The following MAPRE1 variants were observed in gnomAD, a reference collection of about 807,000 sequenced individuals.
MAPRE1 encodes microtubule-associated protein RP/EB family member 1.
In MAPRE1, 5 loss-of-function variants were observed where a neutral mutation model predicts 32.1. That is an observed-to-expected ratio of 0.16 (90% confidence interval 0.08 to 0.33). The LOEUF is 0.33. MAPRE1 is among the 10% of genes least tolerant of loss of function. The pLI is 1.00. For missense variants in MAPRE1, 209 were observed against 327.2 expected, an observed-to-expected ratio of 0.64 and a Z score of 2.79; for synonymous variants, 122 against 118.9, an observed-to-expected ratio of 1.03 and a Z score of -0.17.
At chr20:32,821,434 C>T (rs1249861145) in intron 1 of MAPRE1, among the ~76,000 whole-genome samples, 1 of 152,228 alleles carries the variant, frequency 6.6e-6, no homozygotes, top group African/African-American at 2.4e-5. Context: ...GGCTCTTAAC[C>T]TCTTTATTAC....
At chr20:32,837,939 TG>T in intron 4 of MAPRE1, among the ~76,000 whole-genome samples, 1 of 152,170 alleles carries the variant, frequency 6.6e-6, no homozygotes, top group African/African-American at 2.4e-5. Context: ...AAAAATTATC[TG>T]GGCATGGTGG....
At chr20:32,845,299 C>G (rs927577358) in intron 5 of MAPRE1, among the ~76,000 whole-genome samples, 3 of 152,164 alleles carry the variant, frequency 2.0e-5, no homozygotes, top group African/African-American at 7.2e-5. Flanking sequence ...CCTTGACCTC[C>G]CAAAGCTTTG....
rs776595816 is a variant in MAPRE1, at chr20:32,846,575, A to G, written c.598-43A>G. 9.4e-6 allele frequency: 15 copies of G among 1,598,600 alleles called. No homozygotes were observed. In the Admixed American group the frequency reaches 1.0e-4, roughly 11 times the overall value. Reference sequence around the variant, plus strand: ...GAAGTCTGCCTGATATTTTATTGCCATACTAATGCCAAGCATCTCACCCTT... The same window carrying G: ...GAAGTCTGCCTGATATTTTATTGCCGTACTAATGCCAAGCATCTCACCCTT... On this transcript the variant is annotated intron_variant, in intron 5 of 6. Transcript: ENST00000375571.
Position 32,838,205 on chromosome 20 carries a change from C to T in MAPRE1, c.475+1364C>T, listed in dbSNP as rs74474569. On this transcript the variant is annotated intron_variant, in intron 4 of 6. Transcript: ENST00000375571. ...TATCTGCTTTCTGTCTCTGGATTTGCCAGTTCTAAACTTTTCCTATACATG... is the reference window on the plus strand; with the variant it reads ...TATCTGCTTTCTGTCTCTGGATTTGTCAGTTCTAAACTTTTCCTATACATG... Among the ~76,000 whole-genome samples the T allele has an allele frequency of 5.3e-3, 808 of 152,290 alleles. 8 individuals carry two copies. The highest frequency in any genetic ancestry group is 0.018 in the African/African-American group (767 of 41,542).
intron 6 of MAPRE1, among the ~76,000 whole-genome samples, chr20:32,847,773 T>C (rs1049114515): frequency 1.3e-5 from 2 of 152,170 alleles, no homozygotes; most frequent in African/African-American, 4.8e-5. Context: ...AGCAGAATAG[T>C]ATAGTAATTT....
At chr20:32,827,579 C>T (rs570006630) in intron 2 of MAPRE1, among the ~76,000 whole-genome samples, 14 of 152,104 alleles carry the variant, frequency 9.2e-5, no homozygotes, top group Admixed American at 2.6e-4. Flanking sequence ...GCCACTGTGC[C>T]TGCCCTGGAT....
At chr20:32,829,836 G>T (rs1240244564) in intron 2 of MAPRE1, among the ~76,000 whole-genome samples, 1 of 152,178 alleles carries the variant, frequency 6.6e-6, no homozygotes, top group Non-Finnish European at 1.5e-5. Context: ...GAAAGATTTG[G>T]CAGGTTGTTT....
At chr20:32,840,718 A>G (rs1283358415) in intron 5 of MAPRE1, among the ~76,000 whole-genome samples, 5 of 152,180 alleles carry the variant, frequency 3.3e-5, no homozygotes, top group African/African-American at 1.2e-4. Flanking sequence ...ACTTGAGGGA[A>G]TTGATTTCTA....
chr20:32,822,134 A>G (rs563378368), intron 1 of MAPRE1, among the ~76,000 whole-genome samples: 3 of 152,274 alleles, frequency 2.0e-5, no homozygotes, highest in African/African-American at 7.2e-5. Flanking sequence ...TTTAAATTAT[A>G]TGATGATGAA....
At chr20:32,844,852 G>A (rs954803322) in intron 5 of MAPRE1, among the ~76,000 whole-genome samples, 1 of 152,184 alleles carries the variant, frequency 6.6e-6, no homozygotes, top group Non-Finnish European at 1.5e-5. Flanking sequence ...GGGGCTGGTC[G>A]GCTCTTGGCC....
intron 5 of MAPRE1, 83 bp downstream of exon 5, chr20:32,839,939 A>G (rs1983314555): frequency 1.9e-6 from 3 of 1,560,902 alleles, no homozygotes; most frequent in Non-Finnish European, 2.6e-6. Flanking sequence ...CCGTGTTCTT[A>G]AATGAACACC....
intron 6 of MAPRE1, among the ~76,000 whole-genome samples, chr20:32,847,649 G>A (rs943741936): frequency 3.3e-5 from 5 of 152,288 alleles, no homozygotes; most frequent in Non-Finnish European, 7.4e-5. Flanking sequence ...GATATAGGGG[G>A]TCCTTGGTTT....
chr20:32,832,884 C>A (rs959503552), intron 2 of MAPRE1, among the ~76,000 whole-genome samples: 1 of 120,348 alleles, frequency 8.3e-6, no homozygotes, highest in East Asian at 2.9e-4. Flanking sequence ...GTAGAGGTTG[C>A]GGTGAGCCGA....
Position 32,849,990 on chromosome 20 carries a change from ATTTGC to A in MAPRE1, c.*1268_*1272del, listed in dbSNP as rs1983603613. On this transcript the variant is annotated 3_prime_UTR_variant, in exon 7 of 7. Coordinates refer to ENST00000375571, the MANE Select transcript of MAPRE1 (RefSeq NM_012325.3). ...ATACTTCATTCCTTAACTCTCCCTC[ATTTGC>A]TTTGCCCACAGCCTATTCAGTTCCT... is the stretch of plus-strand genomic sequence containing the variant. 1.3e-5 allele frequency: 2 copies of A among 152,506 alleles called. No homozygotes were observed. Among genetic ancestry groups the A allele is most frequent in the Non-Finnish European group, 2.9e-5 (2 of 68,026 alleles). The allele number at this position is 152,506 out of a possible 1,614,324, so 9.4% of individuals were successfully genotyped here.
intron 5 of MAPRE1, among the ~76,000 whole-genome samples, chr20:32,844,073 C>G (rs1282261792): frequency 1.3e-5 from 2 of 151,984 alleles, no homozygotes; most frequent in African/African-American, 4.8e-5. Context: ...AGGCCGGTCT[C>G]GAACTCCTGA....
intron 5 of MAPRE1, chr20:32,843,495 A>G (rs1476070938): frequency 2.6e-5 from 4 of 152,238 alleles, no homozygotes; most frequent in Non-Finnish European, 5.9e-5. Flanking sequence ...CCTGATTTAC[A>G]TGGTCTAGTA....
chr20:32,829,672 C>T (rs1982965105), intron 2 of MAPRE1, among the ~76,000 whole-genome samples: 1 of 146,364 alleles, frequency 6.8e-6, no homozygotes, highest in Admixed American at 6.8e-5. Context: ...ACATTTCTTC[C>T]TTGAGAGGGC....
intron 3 of MAPRE1, among the ~76,000 whole-genome samples, chr20:32,834,865 A>G (rs1983142260): frequency 6.6e-6 from 1 of 152,228 alleles, no homozygotes; most frequent in Non-Finnish European, 1.5e-5. Context: ...CTCAATGGTT[A>G]GCATGGCCAA....
chr20:32,846,847 T>A, intron 6 of MAPRE1, 77 bp downstream of exon 6: 1 of 1,462,158 alleles, frequency 6.8e-7, no homozygotes, highest in Non-Finnish European at 9.5e-7. Context: ...ATGCTTGTTG[T>A]ATTCCAGTGT....
Sources: allele counts gnomAD v4.1 joint callset (sites outside exome capture counted in the v4.1 genomes callset), GRCh38; gene constraint gnomAD v4.1.1; transcripts MANE v1.5; gene names NCBI Gene and HGNC (gene_info 2026-07-23, HGNC 2026-07-21).